The following FHIT variants were observed in gnomAD, a reference collection of about 807,000 sequenced individuals.
The protein encoded by FHIT is bis(5'-adenosyl)-triphosphatase.
Under a neutral mutation model 17.9 loss-of-function variants are expected in FHIT, and 19 were observed. The ratio of observed to expected loss-of-function variants is 1.06; its 90% CI spans 0.74 to 1.56. The LOEUF is 1.56. FHIT is among the 40% of genes most tolerant of loss of function. The probability of loss-of-function intolerance (pLI) is 0.00; values close to 1 mark genes in which losing one functional copy is unlikely to be tolerated. For synonymous variants in FHIT, 81 were observed against 69.7 expected, an observed-to-expected ratio of 1.16 and a Z score of -0.81; for missense variants, 248 against 189.2, an observed-to-expected ratio of 1.31 and a Z score of -1.82.
chr3:61,136,239 C>T (rs994278455), intron 2 of FHIT, among the ~76,000 whole-genome samples: 1 of 151,590 alleles, frequency 6.6e-6, no homozygotes, highest in South Asian at 2.1e-4. Flanking sequence ...CCCCCTCACC[C>T]GACCCACCCG....
At chr3:61,215,860 T>A (rs1394452925) in intron 1 of FHIT, among the ~76,000 whole-genome samples, 3 of 152,214 alleles carry the variant, frequency 2.0e-5, no homozygotes, top group African/African-American at 7.2e-5. Flanking sequence ...AACTATGTGA[T>A]CTTTGACAAA....
intron 4 of FHIT, among the ~76,000 whole-genome samples, chr3:60,614,632 TAA>T (rs2038886918): frequency 6.6e-6 from 1 of 151,728 alleles, no homozygotes; most frequent in African/African-American, 2.4e-5. Context: ...ATAAATAACC[TAA>T]GTCTATTTGG....
At chr3:60,640,504 A>G (rs905421022) in intron 4 of FHIT, among the ~76,000 whole-genome samples, 1 of 152,180 alleles carries the variant, frequency 6.6e-6, no homozygotes, top group Admixed American at 6.5e-5. Flanking sequence ...TCTTTGAGAA[A>G]TAGTTACATG....
chr3:60,254,512 T>C (rs985485520), intron 5 of FHIT, among the ~76,000 whole-genome samples: 1 of 152,142 alleles, frequency 6.6e-6, no homozygotes, highest in Non-Finnish European at 1.5e-5. Context: ...AAAAAATACA[T>C]AATATAACTG....
At chr3:60,027,132 C>CA (rs1423870480) in intron 5 of FHIT, among the ~76,000 whole-genome samples, 7 of 120,288 alleles carry the variant, frequency 5.8e-5, no homozygotes, top group Non-Finnish European at 1.0e-4. Context: ...CACACACACA[C>CA]ACACACACAC....
At chr3:60,258,408 A>G (rs532028082) in intron 5 of FHIT, among the ~76,000 whole-genome samples, 2 of 152,068 alleles carry the variant, frequency 1.3e-5, no homozygotes, top group Non-Finnish European at 2.9e-5. Flanking sequence ...AAAATGTTCT[A>G]CCATAATTAA....
intron 5 of FHIT, among the ~76,000 whole-genome samples, chr3:60,465,526 T>C (rs1240748018): frequency 6.6e-6 from 1 of 152,158 alleles, no homozygotes; most frequent in African/African-American, 2.4e-5. Context: ...GTTTGAGGTC[T>C]TATATTTAAG....
intron 7 of FHIT, among the ~76,000 whole-genome samples, chr3:59,929,387 T>C (rs1705847697): frequency 7.2e-6 from 1 of 138,450 alleles, no homozygotes; most frequent in African/African-American, 2.6e-5. Context: ...TTTTTTTTTT[T>C]TGAGACAGGG....
At chr3:60,793,734 C>T (rs1364746432) in intron 4 of FHIT, among the ~76,000 whole-genome samples, 6 of 152,186 alleles carry the variant, frequency 3.9e-5, no homozygotes, top group African/African-American at 4.8e-5. Flanking sequence ...GGGACGTTTT[C>T]CCACCAGAGG....
intron 5 of FHIT, among the ~76,000 whole-genome samples, chr3:60,082,911 C>G (rs916851608): frequency 6.6e-6 from 1 of 151,968 alleles, no homozygotes; most frequent in Admixed American, 6.6e-5. Flanking sequence ...TTTCTCCCAT[C>G]CTGTAGGTTG....
rs145485600 is a variant in FHIT, at chr3:60,011,484, T to C, written c.250-84A>G. On this transcript the variant is annotated intron_variant, in intron 6 of 9. Transcript: ENST00000492590. ...TCAGAAATATCACCCATTAATAATT[T>C]AGATGCAATTTCATTGTGTGTTAAT... 5.4e-4 allele frequency: 610 copies of C among 1,137,800 alleles called. 3 individuals carry two copies. The African/African-American group carries it at 7.1e-3, about 13-fold the overall frequency. 70.5% of individuals were successfully genotyped at this position (1,137,800 alleles called of 1,614,324 possible). A position where few individuals can be genotyped will look rare whatever the true frequency, so the allele number is the denominator to read the frequency against.
At chr3:60,977,868 T>G (rs1559882337) in intron 3 of FHIT, among the ~76,000 whole-genome samples, 3 of 152,104 alleles carry the variant, frequency 2.0e-5, no homozygotes. Context: ...CGAAACTCCA[T>G]CTCAAAAACA....
intron 5 of FHIT, among the ~76,000 whole-genome samples, chr3:60,490,013 T>C (rs552445269): frequency 8.5e-5 from 13 of 152,298 alleles, no homozygotes; most frequent in African/African-American, 3.1e-4. Context: ...TTAACAAGGC[T>C]ACTTTTGACC....
chr3:60,397,081 T>C (rs987662641), intron 5 of FHIT, among the ~76,000 whole-genome samples: 1 of 152,188 alleles, frequency 6.6e-6, no homozygotes, highest in African/African-American at 2.4e-5. Context: ...GTAAACTACA[T>C]AGAAAATGTA....
intron 2 of FHIT, among the ~76,000 whole-genome samples, chr3:61,153,386 G>C (rs1043541945): frequency 6.6e-6 from 1 of 152,130 alleles, no homozygotes; most frequent in South Asian, 2.1e-4. Flanking sequence ...TCTTTAAATA[G>C]AGGAAATACA....
chr3:60,705,387 T>C (rs1228005991), intron 4 of FHIT, among the ~76,000 whole-genome samples: 1 of 152,106 alleles, frequency 6.6e-6, no homozygotes, highest in Non-Finnish European at 1.5e-5. Flanking sequence ...CAAGCAAAGC[T>C]AATGAAGTGA....
chr3:60,472,391 C>T (rs1490307051), intron 5 of FHIT, among the ~76,000 whole-genome samples: 2 of 133,872 alleles, frequency 1.5e-5, no homozygotes, highest in South Asian at 2.3e-4. Context: ...TTTTTTGAGA[C>T]GAAGTCTTGC....
intron 5 of FHIT, among the ~76,000 whole-genome samples, chr3:60,214,139 C>T (rs1703585856): frequency 6.6e-6 from 1 of 152,126 alleles, no homozygotes; most frequent in South Asian, 2.1e-4. Context: ...AGATTTCATC[C>T]TCTTTCTTAT....
chr3:60,706,928 G>A (rs2041388090), intron 4 of FHIT, among the ~76,000 whole-genome samples: 1 of 152,150 alleles, frequency 6.6e-6, no homozygotes, highest in South Asian at 2.1e-4. Flanking sequence ...TCTTGTCCGA[G>A]AATTAATTGT....
Sources: gnomAD v4.1 joint callset for allele counts (sites outside exome capture counted in the v4.1 genomes callset) on GRCh38, gnomAD v4.1.1 for gene constraint, MANE v1.5 for transcripts, NCBI Gene and HGNC (gene_info 2026-07-23, HGNC 2026-07-21) for gene names.